The following ZFYVE21 variants were observed in gnomAD, a reference collection of about 807,000 sequenced individuals.
ZFYVE21 encodes the protein zinc finger FYVE domain-containing protein 21.
Under a neutral mutation model 29.5 loss-of-function variants are expected in ZFYVE21, and 21 were observed. That is an observed-to-expected ratio of 0.71 (90% CI 0.50 to 1.02). The LOEUF (loss-of-function observed/expected upper bound fraction) is 1.02. Among genes scored for constraint, ZFYVE21 ranks in the 50% least tolerant of loss-of-function variants. The probability of loss-of-function intolerance (pLI) is 0.00; values close to 1 mark genes in which losing one functional copy is unlikely to be tolerated. For synonymous variants in ZFYVE21, 151 were observed against 133.8 expected (o/e 1.13, Z -0.89); for missense variants, 326 against 335.4 (o/e 0.97, Z 0.22).
chr14:103,733,454 T>C lies in ZFYVE21; in HGVS notation c.*436T>C, dbSNP rs1413279231. 1 of 168,030 alleles carries C rather than the reference T, an allele frequency of 6.0e-6. No homozygotes were observed. The highest frequency in any genetic ancestry group is 2.4e-5 in the African/African-American group (1 of 41,682). 10.4% of individuals were successfully genotyped at this position (168,030 alleles called of 1,614,324 possible). A position where few individuals can be genotyped will look rare whatever the true frequency, so the allele number is the denominator to read the frequency against. ...GCCTGTTCGCCTCTAATAGCCAGTT[T>C]ACAGCACTTGCCTTAGCCTGTTTCA... is the stretch of plus-strand genomic sequence containing the variant. On this transcript the variant is annotated 3_prime_UTR_variant, in exon 7 of 7. Coordinates refer to ENST00000311141, the MANE Select transcript of ZFYVE21 (RefSeq NM_024071.4).
At chr14:103,727,982 T>C (rs1269719362) in intron 3 of ZFYVE21, 68 bp downstream of exon 3, 3 of 1,513,818 alleles carry the variant, frequency 2.0e-6, no homozygotes, top group Non-Finnish European at 2.7e-6. Context: ...GTGGCGATGC[T>C]GTGGGCTGTG....
At position 103,716,264 on chromosome 14, in the gene ZFYVE21, C is replaced by T. The variant is rs1423118824; in HGVS notation, c.138+285C>T. Among the ~76,000 whole-genome samples, 4 of 152,164 alleles carry T rather than the reference C, an allele frequency of 2.6e-5. No individual in the cohort carries two copies. Among genetic ancestry groups the T allele is most frequent in the African/African-American group, 9.6e-5 (4 of 41,550 alleles). On this transcript the variant is annotated intron_variant, in intron 1 of 6. Coordinates refer to ENST00000311141, the MANE Select transcript of ZFYVE21 (RefSeq NM_024071.4). The surrounding 1 kb of genome is among the most constrained non-coding windows in gnomAD (Gnocchi z 4.8). ...GCGCCGGGAGGCGGGGTGCGGGGCG[C>T]GGGCTGGTCCCGGGGGTGGGTGCGG...
Position 103,728,948 on chromosome 14 carries a change from T to G in ZFYVE21, c.399T>G (p.Pro133=). ...FLVTFGNSEK[P]ETMTCRLSNN... ...TCACGTTTGGAAACTCAGAGAAACC[T>G]GAAACTATGACTTGTCGTCTTTCCA... Residue 133 remains proline, a synonymous_variant, in exon 4 of 7, where the codon CCT becomes CCG. Coordinates refer to ENST00000311141, the MANE Select transcript of ZFYVE21 (RefSeq NM_024071.4). The G allele has an allele frequency of 6.2e-7, 1 of 1,614,066 alleles. No homozygotes were observed. Among genetic ancestry groups the G allele is most frequent in the South Asian group, 1.1e-5 (1 of 91,076 alleles).
At position 103,733,197 on chromosome 14, in the gene ZFYVE21, T is replaced by C; in HGVS notation, c.*179T>C. 1.4e-6 allele frequency: 1 copy of C among 737,700 alleles called. No individual in the cohort carries two copies. The allele number at this position is 737,700 out of a possible 1,614,324, so 45.7% of individuals were successfully genotyped here. On this transcript the variant is annotated 3_prime_UTR_variant, in exon 7 of 7. Coordinates refer to ENST00000311141, the MANE Select transcript of ZFYVE21 (RefSeq NM_024071.4). Reference sequence around the variant, plus strand: ...TATCTAGTGCAATATGTTCACAGTTTATTAATGCTTTAAACAGCTTCATGT... The same window carrying C: ...TATCTAGTGCAATATGTTCACAGTTCATTAATGCTTTAAACAGCTTCATGT...
At position 103,727,627 on chromosome 14, in the gene ZFYVE21, G is replaced by A. The variant is rs1270416929; in HGVS notation, c.190-119G>A. 3 of 1,341,842 alleles carry A rather than the reference G, an allele frequency of 2.2e-6. No homozygotes were observed. The African/African-American group carries it at 4.3e-5, about 19-fold the overall frequency. 83.1% of individuals were successfully genotyped at this position (1,341,842 alleles called of 1,614,324 possible). A position where few individuals can be genotyped will look rare whatever the true frequency, so the allele number is the denominator to read the frequency against. On this transcript the variant is annotated intron_variant, in intron 2 of 6. Transcript: ENST00000311141. ...CGACAGGAGGTGCGCGTGTGCAGCG[G>A]CCGGCACAGGGGCCTCGCGTTTAGG...
intron 5 of ZFYVE21, chr14:103,729,917 C>A: frequency 6.6e-7 from 1 of 1,507,224 alleles, no homozygotes; most frequent in Admixed American, 2.0e-5. Flanking sequence ...CACCTGGCTT[C>A]TGTCCACGGG....
At chr14:103,724,311 G>C (rs559190356) in intron 1 of ZFYVE21, among the ~76,000 whole-genome samples, 1 of 152,256 alleles carries the variant, frequency 6.6e-6, no homozygotes, top group Admixed American at 6.5e-5. Context: ...GGGCTGGAAC[G>C]GTGCCATGCG....
chr14:103,721,090 T>C (rs1180170716), intron 1 of ZFYVE21, among the ~76,000 whole-genome samples: 1 of 152,054 alleles, frequency 6.6e-6, no homozygotes, highest in Non-Finnish European at 1.5e-5. Flanking sequence ...CCTCCCGAAG[T>C]GCTGGGATTA....
rs141193408 is a variant in ZFYVE21 at position 103,728,513 on chromosome 14, C to T, written c.359-395C>T. Reference sequence around the variant, plus strand: ...CCATCCTGTGTGAAACGGGCATGGTCCCTGGCTGGACGGTGGGCTTTGTTG... The same window carrying T: ...CCATCCTGTGTGAAACGGGCATGGTTCCTGGCTGGACGGTGGGCTTTGTTG... On this transcript the variant is annotated intron_variant, in intron 3 of 6. Transcript: ENST00000311141. Among the ~76,000 whole-genome samples the T allele has an allele frequency of 2.8e-3, 423 of 152,310 alleles. 4 individuals are homozygous for T. The highest frequency in any genetic ancestry group is 9.8e-3 in the African/African-American group (408 of 41,584).
At chr14:103,730,493 T>C (rs2083964064) in intron 5 of ZFYVE21, 1 of 152,540 alleles carries the variant, frequency 6.6e-6, no homozygotes. Context: ...GGGCATCAGA[T>C]GAAGGCCAGT....
At chr14:103,725,463 T>C (rs932718419) in intron 1 of ZFYVE21, 1 of 152,442 alleles carries the variant, frequency 6.6e-6, no homozygotes, top group Admixed American at 6.5e-5. Context: ...ACGCTCCATT[T>C]GGGGCTGCTG....
chr14:103,732,760 A>G lies in ZFYVE21; in HGVS notation c.667A>G (p.Lys223Glu). Residue 223 changes from lysine to glutamate, a missense_variant and splice_region_variant, in exon 6 of 7, where the codon AAG becomes GAG. Coordinates refer to ENST00000311141, the MANE Select transcript of ZFYVE21 (RefSeq NM_024071.4). ...QAVAWLVAMH[K>E]AAKLLYESRD... ...GGTGGCGTGGCTAGTGGCCATGCAC[A>G]AGGTACCTGAGCCCAGGCCAGGGAG... The G allele has an allele frequency of 1.9e-6, 3 of 1,611,796 alleles. No individual in the cohort carries two copies. The highest frequency in any genetic ancestry group is 2.5e-6 in the Non-Finnish European group (3 of 1,179,252).
chr14:103,718,188 C>G lies in ZFYVE21; in HGVS notation c.138+2209C>G, dbSNP rs1044534334. Among the ~76,000 whole-genome samples the G allele has an allele frequency of 2.0e-5, 3 of 152,168 alleles. No homozygotes were observed. The South Asian group carries it at 6.2e-4, about 32-fold the overall frequency. On this transcript the variant is annotated intron_variant, in intron 1 of 6. Coordinates refer to ENST00000311141, the MANE Select transcript of ZFYVE21 (RefSeq NM_024071.4). ...GAACTTGGCAGGTGGGTAACATTGT[C>G]CTTGGCTTGGTGGCCGTGTGCCGAT...
intron 1 of ZFYVE21, among the ~76,000 whole-genome samples, chr14:103,724,291 G>T (rs2083899927): frequency 6.6e-6 from 1 of 152,252 alleles, no homozygotes; most frequent in Non-Finnish European, 1.5e-5. Flanking sequence ...GTGTTCGCCG[G>T]CCCAGGGTTG....
At position 103,733,216 on chromosome 14, in the gene ZFYVE21, T is replaced by C. The variant is rs552803888; in HGVS notation, c.*198T>C. 10 of 661,398 alleles carry C rather than the reference T, an allele frequency of 1.5e-5. No individual in the cohort carries two copies. Among genetic ancestry groups the C allele is most frequent in the African/African-American group, 3.6e-5 (2 of 54,980 alleles). 41.0% of individuals were successfully genotyped at this position (661,398 alleles called of 1,614,324 possible). On this transcript the variant is annotated 3_prime_UTR_variant, in exon 7 of 7. Coordinates refer to ENST00000311141, the MANE Select transcript of ZFYVE21 (RefSeq NM_024071.4). ...ACAGTTTATTAATGCTTTAAACAGC[T>C]TCATGTTTTAGAATTTGTGTATTGT... is the stretch of plus-strand genomic sequence containing the variant.
At chr14:103,731,720 C>G (rs1035686013) in intron 5 of ZFYVE21, 6 of 152,294 alleles carry the variant, frequency 3.9e-5, no homozygotes, top group African/African-American at 7.2e-5. Flanking sequence ...GCCCACTCCA[C>G]CAACCGGCAG....
intron 5 of ZFYVE21, 109 bp from the exon 6 acceptor site, chr14:103,732,511 T>C (rs1475072211): frequency 2.9e-6 from 4 of 1,371,324 alleles, no homozygotes; most frequent in Non-Finnish European, 3.9e-6. Flanking sequence ...GCCAGGCTAC[T>C]CTTGGAGCAG....
At chr14:103,727,341 G>A (rs948639201) in intron 2 of ZFYVE21, 9 of 377,792 alleles carry the variant, frequency 2.4e-5, no homozygotes, top group South Asian at 8.2e-5. Context: ...TGCAGCTTGC[G>A]AGGCCTGTGC....
intron 1 of ZFYVE21, among the ~76,000 whole-genome samples, chr14:103,717,336 C>T (rs185010618): frequency 1.3e-5 from 2 of 152,278 alleles, no homozygotes; most frequent in South Asian, 2.1e-4. Flanking sequence ...TATGGTGTAA[C>T]GAACTCTTAA....
Sources: gnomAD v4.1 joint callset for allele counts (sites outside exome capture counted in the v4.1 genomes callset) on GRCh38, gnomAD v4.1.1 for gene constraint, Gnocchi (gnomAD v3.1) non-coding constraint, MANE v1.5 for transcripts, NCBI Gene and HGNC (gene_info 2026-07-23, HGNC 2026-07-21) for gene names.